The following FOXO3 variants were observed in gnomAD, a reference collection of about 807,000 sequenced individuals.
The protein encoded by FOXO3 is forkhead box protein O3.
A neutral mutation model predicts 41.9 loss-of-function variants in FOXO3; 4 were observed. The observed-to-expected ratio is 0.10, with a 90% confidence interval of 0.05 to 0.22. The LOEUF (loss-of-function observed/expected upper bound fraction) is 0.22. Among genes scored for constraint, FOXO3 ranks in the 10% least tolerant of loss-of-function variants. FOXO3 has a pLI of 1.00. For synonymous variants in FOXO3, 318 were observed against 389.3 expected (o/e 0.82, Z 2.16); for missense variants, 534 against 906.8 (o/e 0.59, Z 5.28).
At chr6:108,637,238 A>G (rs1043468687) in intron 1 of FOXO3, among the ~76,000 whole-genome samples, 8 of 152,144 alleles carry the variant, frequency 5.3e-5, no homozygotes, top group Non-Finnish European at 1.0e-4. Context: ...ACTTGAAAAA[A>G]TTGCGTTACA....
At chr6:108,643,508 T>C (rs906921188) in intron 1 of FOXO3, among the ~76,000 whole-genome samples, 1 of 152,234 alleles carries the variant, frequency 6.6e-6, no homozygotes, top group Non-Finnish European at 1.5e-5. Context: ...GAAAACAAGA[T>C]GAGCAACACT....
chr6:108,662,521 C>G (rs1778899930), intron 1 of FOXO3, among the ~76,000 whole-genome samples: 2 of 152,094 alleles, frequency 1.3e-5, no homozygotes, highest in Admixed American at 6.6e-5. Flanking sequence ...CTGGCAAATC[C>G]TGCTCTACAC....
At chr6:108,573,184 G>GTA (rs1486031417) in intron 1 of FOXO3, among the ~76,000 whole-genome samples, 2 of 152,152 alleles carry the variant, frequency 1.3e-5, no homozygotes, top group African/African-American at 2.4e-5. Flanking sequence ...CTACTCGGGA[G>GTA]GCTGAGGCAG....
chr6:108,638,934 C>CT, intron 1 of FOXO3, among the ~76,000 whole-genome samples: 1 of 152,248 alleles, frequency 6.6e-6, no homozygotes, highest in African/African-American at 2.4e-5. Context: ...GCACCGTGTC[C>CT]TGCCTAATGG....
At chr6:108,624,673 T>C (rs900494526) in intron 1 of FOXO3, among the ~76,000 whole-genome samples, 1 of 152,210 alleles carries the variant, frequency 6.6e-6, no homozygotes, top group Non-Finnish European at 1.5e-5. Context: ...TTTATATTTC[T>C]TAAAATAAAC....
intron 2 of FOXO3, among the ~76,000 whole-genome samples, chr6:108,670,944 T>G (rs1381903020): frequency 6.6e-6 from 1 of 152,182 alleles, no homozygotes; most frequent in African/African-American, 2.4e-5. Context: ...ATCTGTTGAG[T>G]ACCTGCTGGG....
chr6:108,679,057 G>T (rs12527358), intron 2 of FOXO3, among the ~76,000 whole-genome samples: 1 of 151,494 alleles, frequency 6.6e-6, no homozygotes, highest in African/African-American at 2.4e-5. Context: ...ATTTTTAGTA[G>T]AGACGGGGTT....
intron 1 of FOXO3, among the ~76,000 whole-genome samples, chr6:108,632,754 AC>A (rs1327853729): frequency 6.6e-6 from 1 of 152,200 alleles, no homozygotes; most frequent in African/African-American, 2.4e-5. Context: ...GAAGCCAAGT[AC>A]AGTGTAGAAA....
intron 1 of FOXO3, among the ~76,000 whole-genome samples, chr6:108,638,075 C>G (rs1044915510): frequency 1.8e-4 from 27 of 152,168 alleles, no homozygotes; most frequent in Non-Finnish European, 3.1e-4. Flanking sequence ...ACTTTTTACC[C>G]TGTTTTTCTC....
At chr6:108,658,707 A>G (rs1778760937) in intron 1 of FOXO3, among the ~76,000 whole-genome samples, 1 of 152,080 alleles carries the variant, frequency 6.6e-6, no homozygotes, top group African/African-American at 2.4e-5. Context: ...TACAGGTGTG[A>G]GCCACCGTGC....
intron 1 of FOXO3, among the ~76,000 whole-genome samples, chr6:108,570,497 A>G (rs1450525240): frequency 6.6e-6 from 1 of 151,610 alleles, no homozygotes; most frequent in African/African-American, 2.4e-5. Flanking sequence ...AGCTAATTTT[A>G]TGTTTTTTTT....
chr6:108,649,163 T>C (rs1778478029), intron 1 of FOXO3, among the ~76,000 whole-genome samples: 2 of 152,208 alleles, frequency 1.3e-5, no homozygotes, highest in African/African-American at 2.4e-5. Flanking sequence ...GGTTCTTCCT[T>C]GCCCCCGAAT....
intron 2 of FOXO3, among the ~76,000 whole-genome samples, chr6:108,670,875 T>C: frequency 6.6e-6 from 1 of 152,170 alleles, no homozygotes; most frequent in East Asian, 1.9e-4. Flanking sequence ...CCCGGCAAAG[T>C]GGTAGGCCCG....
Position 108,562,115 on chromosome 6 carries a change from T to G in FOXO3, c.621+286T>G, listed in dbSNP as rs534994988. On this transcript the variant is annotated intron_variant, in intron 1 of 2. Coordinates refer to ENST00000406360, the MANE Select transcript of FOXO3 (RefSeq NM_001455.4). ...AAGGGCGAACGGACAGGAGTACATTTGCTGGATTCTCCGGACAGCACCGAG... is the reference window on the plus strand; with the variant it reads ...AAGGGCGAACGGACAGGAGTACATTGGCTGGATTCTCCGGACAGCACCGAG... Among the ~76,000 whole-genome samples, 296 of 151,972 alleles carry G rather than the reference T, an allele frequency of 1.9e-3. 1 individual carries two copies. Among genetic ancestry groups the G allele is most frequent in the Non-Finnish European group, 2.3e-3 (158 of 67,936 alleles).
In FOXO3 at chr6:108,588,704, C is replaced by T. The variant is rs559881761; in HGVS notation, c.621+26875C>T. Among the ~76,000 whole-genome samples the T allele has an allele frequency of 2.0e-5, 3 of 152,302 alleles. No homozygotes were observed. In the South Asian group the frequency reaches 6.2e-4, roughly 32 times the overall value. ...CTGCAGTGCCTCGCTGACTGGGAAA[C>T]AATGGGCTGGGCCTCCTAGAATATA... On this transcript the variant is annotated intron_variant, in intron 1 of 2. Coordinates refer to ENST00000406360, the MANE Select transcript of FOXO3 (RefSeq NM_001455.4).
At chr6:108,560,904 CTGGCCGGGGG>C, upstream of FOXO3, 1 of 1,188,270 alleles carries the variant, frequency 8.4e-7, no homozygotes, top group Non-Finnish European at 1.1e-6. Flanking sequence ...CCATCGCGGC[CTGGCCGGGGG>C]GCGGTGTCTG....
chr6:108,562,240 C>T (rs530805246), intron 1 of FOXO3, among the ~76,000 whole-genome samples: 130 of 151,812 alleles, frequency 8.6e-4, no homozygotes, highest in African/African-American at 2.9e-3. Flanking sequence ...GTTTGGGACG[C>T]AGTGTCTGGA....
At chr6:108,603,745 T>TGGACAGCCTTTC (rs1179971080) in intron 1 of FOXO3, among the ~76,000 whole-genome samples, 2 of 152,232 alleles carry the variant, frequency 1.3e-5, no homozygotes, top group Non-Finnish European at 2.9e-5. Context: ...GAACTAATCC[T>TGGACAGCCTTTC]GGACAGCCTT....
intron 1 of FOXO3, among the ~76,000 whole-genome samples, chr6:108,565,729 A>G (rs1487306055): frequency 6.6e-6 from 1 of 152,240 alleles, no homozygotes; most frequent in African/African-American, 2.4e-5. Context: ...TCTTGCCAAG[A>G]TAAAAAGATG....
Sources: gnomAD v4.1 joint callset for allele counts (sites outside exome capture counted in the v4.1 genomes callset) on GRCh38, gnomAD v4.1.1 for gene constraint, MANE v1.5 for transcripts, NCBI Gene and HGNC (gene_info 2026-07-23, HGNC 2026-07-21) for gene names.